ANKDD1B: variants seen among roughly 807,000 people sequenced by gnomAD.
The protein encoded by ANKDD1B is ankyrin repeat and death domain containing 1B.
ANKDD1B carries 57 observed loss-of-function variants against 59.7 expected under a neutral mutation model. The observed-to-expected ratio is 0.95, with a 90% confidence interval of 0.77 to 1.19. The LOEUF (loss-of-function observed/expected upper bound fraction) is 1.19. Among genes scored for constraint, ANKDD1B ranks in the 50% most tolerant of loss-of-function variants. The pLI, the probability that ANKDD1B is intolerant of heterozygous loss-of-function variation, is 0.00. For synonymous variants in ANKDD1B, 216 were observed against 239.5 expected, an observed-to-expected ratio of 0.90 and a Z score of 0.91; for missense variants, 602 against 641.9, an observed-to-expected ratio of 0.94 and a Z score of 0.67.
chr5:75,649,108 G>C (rs189973646), intron 7 of ANKDD1B, among the ~76,000 whole-genome samples: 1 of 151,460 alleles, frequency 6.6e-6, no homozygotes, highest in South Asian at 2.1e-4. Context: ...GCTTTTGTAG[G>C]TCCTAAAAAC....
intron 1 of ANKDD1B, among the ~76,000 whole-genome samples, chr5:75,613,976 A>G (rs748086530): frequency 2.6e-5 from 4 of 152,176 alleles, no homozygotes; most frequent in Admixed American, 6.5e-5. Context: ...TAAAAGAAAG[A>G]TATATTTCTT....
intron 11 of ANKDD1B, among the ~76,000 whole-genome samples, chr5:75,664,155 CT>C (rs1310778049): frequency 6.6e-6 from 1 of 152,228 alleles, no homozygotes; most frequent in Non-Finnish European, 1.5e-5. Flanking sequence ...GTGGCTACCC[CT>C]GGCCCAATGT....
intron 3 of ANKDD1B, among the ~76,000 whole-genome samples, chr5:75,624,841 T>C (rs1773948121): frequency 6.6e-6 from 1 of 152,214 alleles, no homozygotes; most frequent in African/African-American, 2.4e-5. Flanking sequence ...AATCACTCCT[T>C]TTTAACAAAT....
chr5:75,670,402 G>A (rs540144699), intron 13 of ANKDD1B, among the ~76,000 whole-genome samples: 4 of 152,184 alleles, frequency 2.6e-5, no homozygotes, highest in Admixed American at 2.6e-4. Flanking sequence ...ATTCCTATAT[G>A]TGATGTTAAC....
At chr5:75,631,364 A>G (rs956186541) in intron 5 of ANKDD1B, among the ~76,000 whole-genome samples, 3 of 152,246 alleles carry the variant, frequency 2.0e-5, no homozygotes, top group African/African-American at 7.2e-5. Context: ...ACTAAGCAGC[A>G]TAGATTGTGA....
At chr5:75,613,951 C>A (rs945442673) in intron 1 of ANKDD1B, among the ~76,000 whole-genome samples, 1 of 152,192 alleles carries the variant, frequency 6.6e-6, no homozygotes, top group Non-Finnish European at 1.5e-5. Context: ...CGTAACGAGA[C>A]CCTGTCTTTA....
At chr5:75,642,485 C>T (rs375250735) in intron 7 of ANKDD1B, among the ~76,000 whole-genome samples, 10,548 of 136,300 alleles carry the variant, frequency 0.077, 376 homozygotes, top group South Asian at 0.1. Context: ...AAAGGGGTGA[C>T]GGACGCACCT....
intron 5 of ANKDD1B, among the ~76,000 whole-genome samples, chr5:75,631,202 A>AC (rs1208211026): frequency 2.0e-5 from 3 of 152,220 alleles, no homozygotes; most frequent in Non-Finnish European, 4.4e-5. Context: ...CAAATGCCAC[A>AC]CTAGGGCACA....
chr5:75,645,020 G>C (rs1190433221), intron 7 of ANKDD1B, among the ~76,000 whole-genome samples: 1 of 134,528 alleles, frequency 7.4e-6, no homozygotes, highest in Non-Finnish European at 1.5e-5. Flanking sequence ...ATGAAATGAA[G>C]GCAGAAATAA....
rs1581129663 is a variant in ANKDD1B, at chr5:75,620,349, G to T, written c.332G>T (p.Arg111Ile). The change falls in exon 3 of 14, where the codon AGA becomes ATA. Residue 111 changes from arginine (R) to isoleucine (I), a missense_variant. By Grantham distance (97) the Arg-to-Ile change is moderately conservative (BLOSUM62 -3). This residue lies in a region of ANKDD1B where 317 missense variants were observed against 304.6 expected (regional missense o/e 1.04). Coordinates refer to ENST00000601380, the MANE Select transcript of ANKDD1B (RefSeq NM_001276713.2). ...NRTALHFAVG[R>I]NHLSAVDFLL... ...ACAGCCCTGCATTTTGCAGTGGGGA[G>T]AAATCATTTATCTGCAGTGGATTTC... is the stretch of plus-strand genomic sequence containing the variant. 2 of 1,535,114 alleles carry T rather than the reference G, an allele frequency of 1.3e-6. No homozygotes were observed. The highest frequency in any genetic ancestry group is 3.3e-4 in the Middle Eastern group (2 of 5,986).
At chr5:75,634,244 T>C (rs1010765866) in intron 5 of ANKDD1B, among the ~76,000 whole-genome samples, 1 of 152,256 alleles carries the variant, frequency 6.6e-6, no homozygotes, top group African/African-American at 2.4e-5. Context: ...CAGAAAATTC[T>C]ATATTTGAGC....
At chr5:75,629,285 T>C (rs1489354606) in intron 5 of ANKDD1B, among the ~76,000 whole-genome samples, 1 of 151,954 alleles carries the variant, frequency 6.6e-6, no homozygotes, top group Non-Finnish European at 1.5e-5. Flanking sequence ...TTTAACCTCA[T>C]GACACATATT....
At chr5:75,620,928 C>A (rs575739304) in intron 3 of ANKDD1B, among the ~76,000 whole-genome samples, 61 of 152,298 alleles carry the variant, frequency 4.0e-4, no homozygotes, top group African/African-American at 1.4e-3. Context: ...TCTGGAAAGC[C>A]AAGGCTGTGG....
intron 5 of ANKDD1B, among the ~76,000 whole-genome samples, chr5:75,630,529 C>G (rs1181365721): frequency 6.6e-6 from 1 of 152,234 alleles, no homozygotes; most frequent in Non-Finnish European, 1.5e-5. Context: ...CCTCCCATCT[C>G]TTAGCAGGTG....
chr5:75,624,293 T>C (rs938483907), intron 3 of ANKDD1B, among the ~76,000 whole-genome samples: 3 of 152,230 alleles, frequency 2.0e-5, no homozygotes, highest in Non-Finnish European at 4.4e-5. Flanking sequence ...TTGAGATTAG[T>C]TCTGCTTGAT....
At chr5:75,637,162 T>C (rs1370692027) in intron 7 of ANKDD1B, among the ~76,000 whole-genome samples, 1 of 141,678 alleles carries the variant, frequency 7.1e-6, no homozygotes, top group Non-Finnish European at 1.5e-5. Flanking sequence ...GGAGAGTCGC[T>C]TGAACCCGGG....
At chr5:75,631,517 G>A (rs919509193) in intron 5 of ANKDD1B, among the ~76,000 whole-genome samples, 4 of 152,198 alleles carry the variant, frequency 2.6e-5, no homozygotes, top group African/African-American at 9.6e-5. Context: ...TGGGGACCCT[G>A]AAAGCTGTGC....
chr5:75,659,364 T>C lies in ANKDD1B; in HGVS notation c.1078T>C (p.Leu360=), dbSNP rs1775057323. 3.3e-6 allele frequency: 5 copies of C among 1,535,832 alleles called. No individual in the cohort carries two copies. Among genetic ancestry groups the C allele is most frequent in the Non-Finnish European group, 4.4e-6 (5 of 1,146,618 alleles). The part of the protein sequence containing the change: ...VETLLKAGCD[L]KAVDKQGKTA... ...AACCCTGCTGAAGGCAGGCTGTGACTTGAAGGCTGTTGACAAGGTAAGTGC... is the reference window on the plus strand; with the variant it reads ...AACCCTGCTGAAGGCAGGCTGTGACCTGAAGGCTGTTGACAAGGTAAGTGC... Residue 360 remains leucine, a synonymous_variant, in exon 10 of 14, where the codon TTG becomes CTG. Transcript: ENST00000601380.
intron 9 of ANKDD1B, 33 bp downstream of exon 9, chr5:75,656,160 C>G (rs981678630): frequency 1.3e-5 from 14 of 1,089,970 alleles, no homozygotes; most frequent in Admixed American, 4.6e-5. Context: ...TGGAGGGTCT[C>G]TTTTCTTAGT....
Sources: allele counts gnomAD v4.1 joint callset (sites outside exome capture counted in the v4.1 genomes callset), GRCh38; gene constraint gnomAD v4.1.1; regional missense constraint gnomAD v4.1.1; transcripts MANE v1.5; gene names NCBI Gene and HGNC (gene_info 2026-07-23, HGNC 2026-07-21).